The following CSMD2 variants were observed in gnomAD, a reference collection of about 807,000 sequenced individuals.
CSMD2 encodes CUB and sushi domain-containing protein 2.
CSMD2 carries 130 observed loss-of-function variants against 398.5 expected under a neutral mutation model. The observed-to-expected ratio is 0.33, with a 90% CI of 0.28 to 0.38. CSMD2 has a LOEUF of 0.38. Among genes scored for constraint, CSMD2 ranks in the 10% least tolerant of loss-of-function variants. CSMD2 has a pLI of 1.00. For missense variants in CSMD2, 3,829 were observed against 4,764.9 expected, an observed-to-expected ratio of 0.80 and a Z score of 5.78; for synonymous variants, 1,828 against 1,908.5, an observed-to-expected ratio of 0.96 and a Z score of 1.10.
intron 3 of CSMD2, among the ~76,000 whole-genome samples, chr1:33,949,898 C>T (rs1256016409): frequency 2.0e-5 from 3 of 152,186 alleles, no homozygotes; most frequent in Non-Finnish European, 4.4e-5. Flanking sequence ...AAGTGAAAAT[C>T]TCAGAAGTGC....
At chr1:33,577,598 C>T in intron 48 of CSMD2, 114 bp from the exon 49 acceptor site, 2 of 859,652 alleles carry the variant, frequency 2.3e-6, no homozygotes, top group Non-Finnish European at 1.7e-6. Context: ...TTTGCCACTG[C>T]CACATCCTCT....
intron 5 of CSMD2, among the ~76,000 whole-genome samples, chr1:33,902,842 C>A (rs994527666): frequency 6.6e-6 from 1 of 152,156 alleles, no homozygotes; most frequent in Non-Finnish European, 1.5e-5. Flanking sequence ...CCTCTGATTG[C>A]CTTTCCTCCT....
At position 33,583,757 on chromosome 1, in the gene CSMD2, A is replaced by G; in HGVS notation, c.7125T>C (p.Tyr2375=). 6.2e-7 allele frequency: 1 copy of G among 1,614,184 alleles called. No homozygotes were observed. The highest frequency in any genetic ancestry group is 8.5e-7 in the Non-Finnish European group (1 of 1,180,004). ...GCCAAGAGCAGGTCTGGAACTGGGGATAGCTTCCAGGGTAGCTCTGGCTCA... is the reference window on the plus strand; with the variant it reads ...GCCAAGAGCAGGTCTGGAACTGGGGGTAGCTTCCAGGGTAGCTCTGGCTCA... ...VILSQSYPGS[Y]PQFQTCSWLV... The change falls in exon 47 of 71, where the codon TAT becomes TAC. Residue 2375 remains tyrosine, a synonymous_variant. Coordinates refer to ENST00000373381, the MANE Select transcript of CSMD2 (RefSeq NM_001281956.2).
chr1:33,640,783 A>G (rs1299900362), intron 29 of CSMD2, among the ~76,000 whole-genome samples: 2 of 152,220 alleles, frequency 1.3e-5, no homozygotes, highest in African/African-American at 4.8e-5. Flanking sequence ...ACAAACATGC[A>G]TTCCTTTAAA....
chr1:33,822,259 T>C (rs1411610709), intron 7 of CSMD2, among the ~76,000 whole-genome samples: 1 of 152,084 alleles, frequency 6.6e-6, no homozygotes, highest in Non-Finnish European at 1.5e-5. Flanking sequence ...ACAGGGGACC[T>C]AGGGCATGAG....
chr1:33,705,651 A>AT (rs539292069), intron 22 of CSMD2, among the ~76,000 whole-genome samples: 161 of 150,606 alleles, frequency 1.1e-3, no homozygotes, highest in African/African-American at 3.6e-3. Flanking sequence ...TTTTTTTCAG[A>AT]TTTTTTTTAA....
At chr1:33,738,170 T>C (rs532629747) in intron 15 of CSMD2, among the ~76,000 whole-genome samples, 1 of 152,254 alleles carries the variant, frequency 6.6e-6, no homozygotes, top group Admixed American at 6.5e-5. Flanking sequence ...AGTTTAGGAA[T>C]TGGGTTAAGT....
chr1:33,683,137 G>A (rs150309888), intron 25 of CSMD2, among the ~76,000 whole-genome samples: 9 of 152,282 alleles, frequency 5.9e-5, no homozygotes, highest in South Asian at 2.1e-4. Context: ...TGCTGCTATT[G>A]TGGATTTTAG....
chr1:33,757,040 A>T (rs1396431985), intron 13 of CSMD2, among the ~76,000 whole-genome samples: 1 of 152,090 alleles, frequency 6.6e-6, no homozygotes, highest in East Asian at 1.9e-4. Context: ...CATCATTCTC[A>T]GTAAACTATC....
intron 6 of CSMD2, among the ~76,000 whole-genome samples, chr1:33,830,377 C>T (rs895338142): frequency 8.5e-5 from 13 of 152,182 alleles, no homozygotes; most frequent in Non-Finnish European, 1.6e-4. Context: ...CTGCAGACAC[C>T]GCTGCTGATA....
At chr1:33,541,583 C>T (rs1044665032) in intron 58 of CSMD2, among the ~76,000 whole-genome samples, 1 of 152,244 alleles carries the variant, frequency 6.6e-6, no homozygotes, top group Non-Finnish European at 1.5e-5. Flanking sequence ...CCTCCCACCT[C>T]AGCCTTCTGA....
Position 33,514,265 on chromosome 1 carries a change from A to G in CSMD2, c.*2359T>C, listed in dbSNP as rs1323781407. ...CACTACCGTTTACCTACAATAATGA[A>G]AAAAAAATTTACACCTTTTTTTTTT... On this transcript the variant is annotated 3_prime_UTR_variant, in exon 71 of 71. Transcript: ENST00000373381. 2 of 137,584 alleles carry G rather than the reference A, an allele frequency of 1.5e-5. No individual in the cohort carries two copies. 8.5% of individuals were successfully genotyped at this position (137,584 alleles called of 1,614,324 possible).
At chr1:33,925,807 C>G (rs1444616827) in intron 4 of CSMD2, among the ~76,000 whole-genome samples, 3 of 152,058 alleles carry the variant, frequency 2.0e-5, no homozygotes, top group Non-Finnish European at 2.9e-5. Flanking sequence ...CTCTCTGTCC[C>G]TACTATCTGC....
intron 14 of CSMD2, 92 bp downstream of exon 14, chr1:33,743,188 C>T (rs1183059468): frequency 1.8e-5 from 20 of 1,112,452 alleles, no homozygotes; most frequent in Non-Finnish European, 2.4e-5. Context: ...GCCCCATCCA[C>T]ACCTCCTCCT....
intron 2 of CSMD2, among the ~76,000 whole-genome samples, chr1:34,047,331 G>A (rs543607791): frequency 6.6e-6 from 1 of 152,214 alleles, no homozygotes; most frequent in East Asian, 1.9e-4. Flanking sequence ...CCCCAGATGT[G>A]TATGGCTTGT....
intron 1 of CSMD2, among the ~76,000 whole-genome samples, chr1:34,103,314 T>TTTTTTTTTTTTC (rs1553316154): frequency 8.7e-6 from 1 of 114,658 alleles, no homozygotes; most frequent in Non-Finnish European, 1.7e-5. Flanking sequence ...TTTTTTTCTT[T>TTTTTTTTTTTTC]CTGAGCCAGA....
At position 33,572,587 on chromosome 1, in the gene CSMD2, G is replaced by A; in HGVS notation, c.7681C>T (p.Leu2561Phe). 1.9e-6 allele frequency: 3 copies of A among 1,614,136 alleles called. No individual in the cohort carries two copies. The highest frequency in any genetic ancestry group is 2.5e-6 in the Non-Finnish European group (3 of 1,179,984). Residue 2561 changes from leucine to phenylalanine, a missense_variant, in exon 50 of 71, where the codon CTC becomes TTC. Transcript: ENST00000373381. ...GCAGTGGCCTCAGCGCCTGCCTGGA[G>A]GTGGTAGCCTTCACTGCAGCTGTAC... ...AMYSCSEGYH[L>F]QAGAEATAEC...
At chr1:33,917,249 A>G (rs1643773662) in intron 5 of CSMD2, among the ~76,000 whole-genome samples, 1 of 152,166 alleles carries the variant, frequency 6.6e-6, no homozygotes, top group Non-Finnish European at 1.5e-5. Context: ...TGCAGCAACT[A>G]AGGCTCCAAC....
At position 34,135,242 on chromosome 1, in the gene CSMD2, TCACACACACACA is replaced by T. The variant is rs66898227; in HGVS notation, c.187+29657_187+29668del. Among the ~76,000 whole-genome samples the T allele has an allele frequency of 1.8e-3, 241 of 135,598 alleles. 2 individuals are homozygous for T. The highest frequency in any genetic ancestry group is 6.0e-3 in the African/African-American group (221 of 36,872). The allele number at this position is 135,598 out of a possible 152,430, so 89.0% of individuals were successfully genotyped here. ...ATAGACATCTGCCCTCATGTTGAAATCACACACACACACACACACACACACACACACACACAC... is the reference window on the plus strand; with the variant it reads ...ATAGACATCTGCCCTCATGTTGAAATCACACACACACACACACACACACAC... On this transcript the variant is annotated intron_variant, in intron 1 of 70. Transcript: ENST00000373381.
Sources: gnomAD v4.1 joint callset for allele counts (sites outside exome capture counted in the v4.1 genomes callset) on GRCh38, gnomAD v4.1.1 for gene constraint, MANE v1.5 for transcripts, NCBI Gene and HGNC (gene_info 2026-07-23, HGNC 2026-07-21) for gene names.